MAP4: variants seen among roughly 807,000 people sequenced by gnomAD.
The protein encoded by MAP4 is microtubule associated protein 4.
In MAP4, 76 loss-of-function variants were observed where a neutral mutation model predicts 170.2. The ratio of observed to expected loss-of-function variants is 0.45; its 90% confidence interval spans 0.37 to 0.54. The LOEUF is 0.54. Among genes scored for constraint, MAP4 ranks in the 20% least tolerant of loss-of-function variants. The pLI, the probability that MAP4 is intolerant of heterozygous loss-of-function variation, is 0.00. For synonymous variants in MAP4, 909 were observed against 994.5 expected (o/e 0.91, Z 1.62); for missense variants, 2,506 against 2,748.0 (o/e 0.91, Z 1.97).
intron 2 of MAP4, among the ~76,000 whole-genome samples, chr3:47,987,959 CTA>C (rs2100089793): frequency 6.6e-6 from 1 of 152,138 alleles, no homozygotes; most frequent in Non-Finnish European, 1.5e-5. Flanking sequence ...CTTTGGGAGG[CTA>C]CGGTGGGCGG....
intron 17 of MAP4, among the ~76,000 whole-genome samples, chr3:47,858,574 A>T (rs1237347810): frequency 7.1e-6 from 1 of 141,080 alleles, no homozygotes; most frequent in Non-Finnish European, 1.5e-5. Context: ...CCCTTGGGAG[A>T]GGTGAGGGGG....
At chr3:47,966,839 T>C (rs2100075381) in intron 3 of MAP4, among the ~76,000 whole-genome samples, 1 of 152,228 alleles carries the variant, frequency 6.6e-6, no homozygotes, top group African/African-American at 2.4e-5. Flanking sequence ...TTGATCTATA[T>C]GTCTCCCTTT....
intron 1 of MAP4, among the ~76,000 whole-genome samples, chr3:48,062,941 A>G (rs184816850): frequency 1.9e-4 from 29 of 151,364 alleles, no homozygotes; most frequent in East Asian, 9.6e-4. Context: ...AAAAAAAAAG[A>G]AAGAAAATGA....
chr3:48,009,604 C>T (rs1325600064), intron 1 of MAP4, among the ~76,000 whole-genome samples: 3 of 152,170 alleles, frequency 2.0e-5, no homozygotes, highest in Admixed American at 6.5e-5. Context: ...ACAACGCCAA[C>T]TAGGTGACAA....
At chr3:48,062,057 AG>A (rs1414850923) in intron 1 of MAP4, among the ~76,000 whole-genome samples, 1 of 152,154 alleles carries the variant, frequency 6.6e-6, no homozygotes, top group African/African-American at 2.4e-5. Context: ...TCGAGTAGAA[AG>A]GGGGGAAATG....
chr3:47,917,788 A>C (rs1421220066), intron 6 of MAP4, among the ~76,000 whole-genome samples: 1 of 152,146 alleles, frequency 6.6e-6, no homozygotes, highest in East Asian at 1.9e-4. Flanking sequence ...AATCTGTGGG[A>C]CAGCAGGTCA....
At chr3:47,942,094 C>T (rs1057128185) in intron 3 of MAP4, among the ~76,000 whole-genome samples, 11 of 152,104 alleles carry the variant, frequency 7.2e-5, no homozygotes, top group South Asian at 6.2e-4. Flanking sequence ...CCTACAGCCC[C>T]GTTCTTCCCT....
At chr3:47,987,484 T>A in intron 2 of MAP4, 1 of 1,242,112 alleles carries the variant, frequency 8.1e-7, no homozygotes, top group Non-Finnish European at 1.1e-6. Context: ...AAGTTACATC[T>A]AAATCCAATC....
intron 20 of MAP4, 42 bp from the exon 21 acceptor site, chr3:47,852,980 G>A (rs2045872620): frequency 3.1e-6 from 5 of 1,614,210 alleles, no homozygotes; most frequent in African/African-American, 1.3e-5. Flanking sequence ...GGGAACAGGG[G>A]AGACAAGAGG....
chr3:47,879,657 T>C (rs909625261), intron 10 of MAP4, among the ~76,000 whole-genome samples: 1 of 150,198 alleles, frequency 6.7e-6, no homozygotes, highest in African/African-American at 2.4e-5. Flanking sequence ...TGCAACTTTA[T>C]CAAGTGTAGC....
chr3:48,011,910 G>C (rs2100105483), intron 1 of MAP4, among the ~76,000 whole-genome samples: 2 of 152,174 alleles, frequency 1.3e-5, no homozygotes, highest in African/African-American at 4.8e-5. Flanking sequence ...AGTTTTGATA[G>C]AGGCAAGAGG....
At chr3:48,068,727 T>C (rs889782292) in intron 1 of MAP4, among the ~76,000 whole-genome samples, 5 of 152,296 alleles carry the variant, frequency 3.3e-5, no homozygotes, top group African/African-American at 1.2e-4. Context: ...GAGGTTGCAG[T>C]GAGCCAAGAT....
intron 10 of MAP4, among the ~76,000 whole-genome samples, chr3:47,886,920 C>T (rs1182390820): frequency 2.0e-5 from 3 of 152,272 alleles, no homozygotes; most frequent in African/African-American, 7.2e-5. Flanking sequence ...TCTTTGTCTT[C>T]CAGTTCATCA....
intron 3 of MAP4, among the ~76,000 whole-genome samples, chr3:47,945,211 G>A (rs1454618785): frequency 6.6e-6 from 1 of 151,934 alleles, no homozygotes; most frequent in African/African-American, 2.4e-5. Context: ...AATTAGCCAG[G>A]CATGGTGGCA....
chr3:47,935,012 T>A (rs1229106832), intron 3 of MAP4, among the ~76,000 whole-genome samples: 2 of 152,238 alleles, frequency 1.3e-5, no homozygotes, highest in East Asian at 3.8e-4. Context: ...GATGCAAACC[T>A]CTGCAAGCTT....
intron 10 of MAP4, among the ~76,000 whole-genome samples, chr3:47,893,380 C>G (rs1273536233): frequency 6.6e-6 from 1 of 152,162 alleles, no homozygotes; most frequent in Non-Finnish European, 1.5e-5. Context: ...TCTTTCCAGC[C>G]TAATAATCTG....
At chr3:48,029,676 G>C (rs998290962) in intron 1 of MAP4, among the ~76,000 whole-genome samples, 2 of 152,250 alleles carry the variant, frequency 1.3e-5, no homozygotes, top group Admixed American at 6.5e-5. Context: ...GATATTTTAA[G>C]ATCTAGTTCC....
At chr3:48,070,534 C>T (rs557077988) in intron 1 of MAP4, among the ~76,000 whole-genome samples, 2 of 151,706 alleles carry the variant, frequency 1.3e-5, no homozygotes, top group Non-Finnish European at 2.9e-5. Flanking sequence ...GCTGCTTAGG[C>T]TGGTCTTGAA....
intron 1 of MAP4, among the ~76,000 whole-genome samples, chr3:48,075,974 C>CAAAAAAAAAAAAAAAAAAA (rs60556044): frequency 2.1e-5 from 1 of 47,562 alleles, no homozygotes; most frequent in Non-Finnish European, 4.3e-5. Context: ...AACTCCATCT[C>CAAAAAAAAAAAAAAAAAAA]AAAAAAAAAA....
Sources: gnomAD v4.1 joint callset for allele counts (sites outside exome capture counted in the v4.1 genomes callset) on GRCh38, gnomAD v4.1.1 for gene constraint, MANE v1.5 for transcripts, NCBI Gene and HGNC (gene_info 2026-07-23, HGNC 2026-07-21) for gene names.